The following FAM13B variants were observed in gnomAD, a reference collection of about 807,000 sequenced individuals.
FAM13B encodes protein FAM13B.
Under a neutral mutation model 117.3 loss-of-function variants are expected in FAM13B, and 60 were observed. That is an observed-to-expected ratio of 0.51 (90% CI 0.42 to 0.63). The LOEUF (loss-of-function observed/expected upper bound fraction) is 0.63. FAM13B is among the 30% of genes least tolerant of loss of function. FAM13B has a pLI of 0.00. For synonymous variants in FAM13B, 332 were observed against 356.1 expected (o/e 0.93, Z 0.76); for missense variants, 972 against 1,091.9 (o/e 0.89, Z 1.55).
rs772429644 is a variant in FAM13B, at chr5:137,942,894, T to C, written c.2569A>G (p.Ser857Gly). The C allele has an allele frequency of 2.5e-6, 4 of 1,609,796 alleles. No individual in the cohort carries two copies. The highest frequency in any genetic ancestry group is 4.5e-5 in the East Asian group (2 of 44,858). The change falls in exon 22 of 24, where the codon AGT (serine) becomes GGT (glycine). Residue 857 changes from serine (S) to glycine (G), a missense_variant. By Grantham distance (56) the Ser-to-Gly change is moderately conservative. Transcript: ENST00000689681. The part of the protein sequence containing the change: ...EKLALDLRLS[S>G]SRAASMPELL... Reference sequence around the variant, plus strand: ...ACATACATAGAAGCTGCTCGAGAACTTGACAATCGGAGATCCAGAGCCAGT... The same window carrying C: ...ACATACATAGAAGCTGCTCGAGAACCTGACAATCGGAGATCCAGAGCCAGT...
chr5:137,986,427 C>CCA (rs755797305), intron 9 of FAM13B, among the ~76,000 whole-genome samples: 1 of 9,844 alleles, frequency 1.0e-4, no homozygotes, highest in African/African-American at 1.5e-4. Context: ...TTCTCATCTT[C>CCA]CCCCCCCCAA....
At chr5:137,996,839 CCTCCT>C (rs916489137) in intron 7 of FAM13B, among the ~76,000 whole-genome samples, 1 of 152,140 alleles carries the variant, frequency 6.6e-6, no homozygotes, top group African/African-American at 2.4e-5. Context: ...CGTGATCCAC[CCTCCT>C]TGGCCTCACA....
At chr5:138,044,435 C>A (rs1281583633) in intron 1 of FAM13B, among the ~76,000 whole-genome samples, 1 of 151,856 alleles carries the variant, frequency 6.6e-6, no homozygotes, top group Admixed American at 6.6e-5. Context: ...GCCTGTAATT[C>A]CAGCTACTCA....
At chr5:137,951,345 T>G (rs1456921552) in intron 17 of FAM13B, among the ~76,000 whole-genome samples, 1 of 152,078 alleles carries the variant, frequency 6.6e-6, no homozygotes, top group African/African-American at 2.4e-5. Flanking sequence ...ACAAAGTATT[T>G]AGTACCTCAG....
rs778350988 is a variant in FAM13B at position 138,010,990 on chromosome 5, C to G, written c.690+18G>C. ...AAAAAAAAAAAAAAAATTATCCCTC[C>G]AAATAGAATATTCTCACCTGTTCAG... is the stretch of plus-strand genomic sequence containing the variant. On this transcript the variant is annotated intron_variant, in intron 6 of 23. Transcript: ENST00000689681. The G allele has an allele frequency of 2.7e-6, 4 of 1,477,252 alleles. No individual in the cohort carries two copies. Among genetic ancestry groups the G allele is most frequent in the Non-Finnish European group, 3.6e-6 (4 of 1,121,778 alleles). The allele number at this position is 1,477,252 out of a possible 1,614,324, so 91.5% of individuals were successfully genotyped here.
intron 11 of FAM13B, among the ~76,000 whole-genome samples, chr5:137,960,436 G>C (rs540900968): frequency 3.3e-5 from 5 of 151,906 alleles, no homozygotes; most frequent in African/African-American, 1.2e-4. Flanking sequence ...GAAAAATCAA[G>C]TAACAATCCC....
At chr5:137,969,366 G>T (rs961531720) in intron 10 of FAM13B, among the ~76,000 whole-genome samples, 2 of 152,164 alleles carry the variant, frequency 1.3e-5, no homozygotes, top group Admixed American at 1.3e-4. Context: ...ACCTCACACG[G>T]CCGGGTGCTC....
chr5:138,036,706 G>T (rs1791195632), upstream of FAM13B: 2 of 383,170 alleles, frequency 5.2e-6, no homozygotes, highest in South Asian at 3.9e-5. Flanking sequence ...TTCTAGAGGG[G>T]GTCTATCTCA....
At chr5:138,047,163 A>G (rs2151131630) in intron 1 of FAM13B, among the ~76,000 whole-genome samples, 1 of 152,262 alleles carries the variant, frequency 6.6e-6, no homozygotes, top group East Asian at 1.9e-4. Context: ...CATGTGGCAA[A>G]GTACTACATA....
intron 10 of FAM13B, among the ~76,000 whole-genome samples, chr5:137,964,119 C>G (rs1343456045): frequency 1.3e-5 from 2 of 152,058 alleles, no homozygotes; most frequent in Non-Finnish European, 2.9e-5. Context: ...CAGAGTGAGG[C>G]TCATGCAGGT....
chr5:138,031,280 A>G (rs759994425), intron 1 of FAM13B, among the ~76,000 whole-genome samples: 13 of 152,234 alleles, frequency 8.5e-5, no homozygotes, highest in Non-Finnish European at 1.9e-4. Context: ...CCACTGCAAT[A>G]TGCCCTTCTA....
At chr5:137,940,374 T>C (rs1761276977) in intron 23 of FAM13B, 26 bp from the exon 24 acceptor site, 1 of 1,551,374 alleles carries the variant, frequency 6.4e-7, no homozygotes, top group Non-Finnish European at 8.8e-7. Context: ...AAATTTGTAA[T>C]GTTCTAGAGA....
At chr5:137,952,482 C>G (rs1765305032) in intron 17 of FAM13B, 146 bp downstream of exon 17, 2 of 560,340 alleles carry the variant, frequency 3.6e-6, no homozygotes, top group African/African-American at 3.8e-5. Context: ...AATTTTGACC[C>G]TAATAAAACA....
chr5:138,027,637 A>G (rs528175241), intron 1 of FAM13B, among the ~76,000 whole-genome samples: 1 of 152,346 alleles, frequency 6.6e-6, no homozygotes, highest in African/African-American at 2.4e-5. Context: ...TACTTAACAG[A>G]AAAGCTGAAC....
chr5:138,005,535 T>C (rs1349672993), intron 7 of FAM13B, among the ~76,000 whole-genome samples: 2 of 151,798 alleles, frequency 1.3e-5, no homozygotes, highest in African/African-American at 4.8e-5. Flanking sequence ...GAAAAAAGAA[T>C]GTTAGAATAC....
intron 1 of FAM13B, among the ~76,000 whole-genome samples, chr5:138,045,251 A>G (rs1791608391): frequency 6.6e-6 from 1 of 152,164 alleles, no homozygotes; most frequent in Non-Finnish European, 1.5e-5. Flanking sequence ...GAAAAGAATG[A>G]GGCCAGGCAT....
chr5:137,972,078 C>T (rs868413020), intron 10 of FAM13B, among the ~76,000 whole-genome samples: 17,077 of 145,094 alleles, frequency 0.12, 1,180 homozygotes, highest in Non-Finnish European at 0.17. Context: ...TTCCAATCAA[C>T]AGAAAAAGAG....
intron 1 of FAM13B, among the ~76,000 whole-genome samples, chr5:138,023,679 C>T (rs934303051): frequency 2.0e-5 from 3 of 152,134 alleles, no homozygotes; most frequent in Non-Finnish European, 2.9e-5. Context: ...CGTGATCCTC[C>T]TACCTCAGCC....
At chr5:138,042,748 C>G (rs1369704909) in intron 1 of FAM13B, among the ~76,000 whole-genome samples, 1 of 151,802 alleles carries the variant, frequency 6.6e-6, no homozygotes, top group African/African-American at 2.4e-5. Context: ...TAAGAATGCT[C>G]TTATTCTTGA....
Sources: allele counts gnomAD v4.1 joint callset (sites outside exome capture counted in the v4.1 genomes callset), GRCh38; gene constraint gnomAD v4.1.1; transcripts MANE v1.5; gene names NCBI Gene and HGNC (gene_info 2026-07-23, HGNC 2026-07-21).